The following PLEKHB2 variants were observed in gnomAD, a reference collection of about 807,000 sequenced individuals.
PLEKHB2 encodes pleckstrin homology domain-containing family B member 2.
In PLEKHB2, 31 loss-of-function variants were observed where a neutral mutation model predicts 36.5. That is an observed-to-expected ratio of 0.85 (90% confidence interval 0.64 to 1.15). The LOEUF (loss-of-function observed/expected upper bound fraction) is 1.15. Among genes scored for constraint, PLEKHB2 ranks in the 50% most tolerant of loss-of-function variants. The probability of loss-of-function intolerance (pLI) is 0.00; values close to 1 mark genes in which losing one functional copy is unlikely to be tolerated. For missense variants in PLEKHB2, 262 were observed against 295.3 expected (o/e 0.89, Z 0.83); for synonymous variants, 119 against 112.0 (o/e 1.06, Z -0.39).
intron 6 of PLEKHB2, 37 bp downstream of exon 6, chr2:131,133,028 T>A: frequency 7.3e-7 from 1 of 1,377,410 alleles, no homozygotes; most frequent in Non-Finnish European, 1.0e-6. Flanking sequence ...GAGGGAAGTT[T>A]GGGGTCTCTG....
intron 5 of PLEKHB2, among the ~76,000 whole-genome samples, chr2:131,131,787 G>T (rs1697723315): frequency 7.2e-6 from 1 of 138,816 alleles, no homozygotes; most frequent in African/African-American, 2.8e-5. Context: ...GGTAAAATTA[G>T]CATTAACAAT....
intron 1 of PLEKHB2, chr2:131,120,596 CAG>C: frequency 2.7e-6 from 1 of 373,232 alleles, no homozygotes; most frequent in Admixed American, 4.0e-5. Flanking sequence ...GTAGGCACCT[CAG>C]GGCTCCAGCA....
chr2:131,114,403 C>T (rs1468448521), intron 1 of PLEKHB2, among the ~76,000 whole-genome samples: 3 of 152,204 alleles, frequency 2.0e-5, no homozygotes, highest in South Asian at 4.1e-4. Flanking sequence ...GGATTACAGG[C>T]GTGAGCCATG....
At chr2:131,129,322 C>G (rs1004156124) in intron 4 of PLEKHB2, among the ~76,000 whole-genome samples, 8 of 43,020 alleles carry the variant, frequency 1.9e-4, no homozygotes, top group Non-Finnish European at 3.0e-4. Context: ...GAGACTCCAT[C>G]TCAAAAAAAA....
At chr2:131,145,961 TTACG>T (rs1009596547) in intron 7 of PLEKHB2, among the ~76,000 whole-genome samples, 10 of 152,098 alleles carry the variant, frequency 6.6e-5, no homozygotes, top group African/African-American at 2.4e-4. Context: ...CGCGGGTGGA[TTACG>T]AGGTCAGGAG....
intron 6 of PLEKHB2, among the ~76,000 whole-genome samples, chr2:131,139,724 C>A (rs1698596328): frequency 6.6e-6 from 1 of 152,128 alleles, no homozygotes; most frequent in Non-Finnish European, 1.5e-5. Flanking sequence ...CCATATTGTG[C>A]CTGGAATTGC....
At chr2:131,116,470 G>C (rs961653939) in intron 1 of PLEKHB2, among the ~76,000 whole-genome samples, 24 of 152,210 alleles carry the variant, frequency 1.6e-4, no homozygotes, top group African/African-American at 5.3e-4. Flanking sequence ...TCTGCAGACT[G>C]TACAGGAGGC....
intron 7 of PLEKHB2, chr2:131,144,582 G>C: frequency 2.6e-6 from 1 of 381,760 alleles, no homozygotes; most frequent in Non-Finnish European, 4.6e-6. Context: ...TTTTCCTGTA[G>C]TATCTTAGTT....
chr2:131,146,326 GTC>G (rs1226116912), intron 7 of PLEKHB2, among the ~76,000 whole-genome samples: 2 of 152,132 alleles, frequency 1.3e-5, no homozygotes, highest in Non-Finnish European at 2.9e-5. Flanking sequence ...TTCCCCATTT[GTC>G]TGCCACCCAA....
At chr2:131,139,348 C>G (rs1465340782) in intron 6 of PLEKHB2, among the ~76,000 whole-genome samples, 1 of 152,148 alleles carries the variant, frequency 6.6e-6, no homozygotes, top group African/African-American at 2.4e-5. Flanking sequence ...CTGTACTTAG[C>G]AGGAGGACTA....
chr2:131,126,104 G>A (rs999997136), intron 3 of PLEKHB2, among the ~76,000 whole-genome samples, 199 bp downstream of exon 3: 2 of 152,188 alleles, frequency 1.3e-5, no homozygotes, highest in East Asian at 3.9e-4. Context: ...CTCAGTCCAC[G>A]TCCCTCGTTC....
intron 1 of PLEKHB2, among the ~76,000 whole-genome samples, chr2:131,108,979 G>C (rs1052134412): frequency 6.6e-6 from 1 of 152,128 alleles, no homozygotes; most frequent in Non-Finnish European, 1.5e-5. Context: ...GTCAGGATCT[G>C]AACATAGGTC....
At chr2:131,106,308 G>A (rs1694727563) in intron 1 of PLEKHB2, among the ~76,000 whole-genome samples, 1 of 152,092 alleles carries the variant, frequency 6.6e-6, no homozygotes, top group Admixed American at 6.6e-5. Flanking sequence ...GGAAAGGGTG[G>A]AACCACCACC....
chr2:131,140,322 G>GTA, intron 7 of PLEKHB2, 47 bp downstream of exon 7: 1 of 1,006,190 alleles, frequency 9.9e-7, no homozygotes, highest in Non-Finnish European at 1.6e-6. Flanking sequence ...CATTTGCTGA[G>GTA]TAGACCAGAG....
Position 131,120,694 on chromosome 2 carries a change from G to C in PLEKHB2, c.-8-240G>C, listed in dbSNP as rs141503597. Reference sequence around the variant, plus strand: ...ATGTTTGTTGAGTGGTGTTAGACTCGGTCAGGTGGGCTGGGTGGTGAGGCT... The same window carrying C: ...ATGTTTGTTGAGTGGTGTTAGACTCCGTCAGGTGGGCTGGGTGGTGAGGCT... On this transcript the variant is annotated intron_variant, in intron 1 of 7. Transcript: ENST00000693505. 7.0e-5 allele frequency: 41 copies of C among 585,152 alleles called. 2 individuals are homozygous for C. The South Asian group carries it at 7.3e-4, about 10-fold the overall frequency. 36.2% of individuals were successfully genotyped at this position (585,152 alleles called of 1,614,324 possible). A position where few individuals can be genotyped will look rare whatever the true frequency, so the allele number is the denominator to read the frequency against.
intron 7 of PLEKHB2, among the ~76,000 whole-genome samples, chr2:131,144,049 C>T (rs1400142102): frequency 6.6e-6 from 1 of 152,194 alleles, no homozygotes; most frequent in African/African-American, 2.4e-5. Flanking sequence ...CCCAGACTTG[C>T]TTGCTGTGGA....
In PLEKHB2 at chr2:131,147,311, T is replaced by G. The variant is rs1283781402; in HGVS notation, c.*538T>G. 6.6e-6 allele frequency: 1 copy of G among 152,278 alleles called. No individual in the cohort carries two copies. The highest frequency in any genetic ancestry group is 2.4e-5 in the African/African-American group (1 of 41,464). 9.4% of individuals were successfully genotyped at this position (152,278 alleles called of 1,614,324 possible). A position where few individuals can be genotyped will look rare whatever the true frequency, so the allele number is the denominator to read the frequency against. On this transcript the variant is annotated 3_prime_UTR_variant, in exon 8 of 8. Transcript: ENST00000693505. ...TGCCCTCTGGGGCTCCACAGGCCCC[T>G]GGCAAGGCCGATGGCTCAGGATGAT... is the stretch of plus-strand genomic sequence containing the variant.
chr2:131,109,646 C>A (rs748341477), intron 1 of PLEKHB2, among the ~76,000 whole-genome samples: 1 of 151,910 alleles, frequency 6.6e-6, no homozygotes, highest in Non-Finnish European at 1.5e-5. Flanking sequence ...GCCAAGATCG[C>A]GCCACTATAC....
chr2:131,138,903 T>C (rs11897491), intron 6 of PLEKHB2, among the ~76,000 whole-genome samples: 41,430 of 151,908 alleles, frequency 0.27, 9,179 homozygotes, highest in African/African-American at 0.62. Flanking sequence ...TTCCATCTGG[T>C]GGGGAAGAAA....
Sources: allele counts gnomAD v4.1 joint callset (sites outside exome capture counted in the v4.1 genomes callset), GRCh38; gene constraint gnomAD v4.1.1; transcripts MANE v1.5; gene names NCBI Gene and HGNC (gene_info 2026-07-23, HGNC 2026-07-21).